Variants in SCAPER observed in about 807,000 individuals in gnomAD.
The protein encoded by SCAPER is S phase cyclin A-associated protein in the endoplasmic reticulum.
In SCAPER, 98 loss-of-function variants were observed where a neutral mutation model predicts 182.2. The observed-to-expected ratio is 0.54, with a 90% CI of 0.46 to 0.64. SCAPER has a LOEUF of 0.64. SCAPER is among the 30% of genes least tolerant of loss of function. The probability of loss-of-function intolerance (pLI) is 0.00; values close to 1 mark genes in which losing one functional copy is unlikely to be tolerated. For missense variants in SCAPER, 1,432 were observed against 1,690.0 expected (o/e 0.85, Z 2.68); for synonymous variants, 605 against 564.6 (o/e 1.07, Z -1.01).
At chr15:76,495,440 T>C (rs748141925) in intron 24 of SCAPER, among the ~76,000 whole-genome samples, 5 of 151,720 alleles carry the variant, frequency 3.3e-5, no homozygotes, top group Non-Finnish European at 7.4e-5. Flanking sequence ...TACCCGGGCA[T>C]GGTGGCATGT....
chr15:76,818,749 T>C (rs559492483), intron 5 of SCAPER, among the ~76,000 whole-genome samples: 16 of 152,324 alleles, frequency 1.1e-4, no homozygotes, highest in Admixed American at 2.0e-4. Context: ...TGCAGGACAG[T>C]GGGTGCAGCG....
chr15:76,595,423 A>C lies in SCAPER; in HGVS notation c.2712-21139T>G, dbSNP rs546221965. On this transcript the variant is annotated intron_variant, in intron 22 of 31. Coordinates refer to ENST00000563290, the MANE Select transcript of SCAPER (RefSeq NM_020843.4). ...AGATCAACGAGGCAGAAAATTAACA[A>C]GGATATTCAGGACTTGAACTTGGCT... is the stretch of plus-strand genomic sequence containing the variant. Among the ~76,000 whole-genome samples the C allele has an allele frequency of 2.0e-4, 25 of 122,024 alleles. 6 individuals carry two copies. In the South Asian group the frequency reaches 6.1e-3, roughly 30 times the overall value. 80.1% of individuals were successfully genotyped at this position (122,024 alleles called of 152,430 possible). A position where few individuals can be genotyped will look rare whatever the true frequency, so the allele number is the denominator to read the frequency against.
At chr15:76,642,986 T>C in intron 21 of SCAPER, among the ~76,000 whole-genome samples, 1 of 152,192 alleles carries the variant, frequency 6.6e-6, no homozygotes, top group South Asian at 2.1e-4. Flanking sequence ...TAAGCAGACA[T>C]TGAACAGGTT....
chr15:76,823,485 A>T (rs1433580736), intron 5 of SCAPER, among the ~76,000 whole-genome samples: 1 of 151,124 alleles, frequency 6.6e-6, no homozygotes, highest in Non-Finnish European at 1.5e-5. Flanking sequence ...TAAAATAAAT[A>T]AATTAAAATA....
intron 25 of SCAPER, among the ~76,000 whole-genome samples, chr15:76,470,624 T>C (rs532545448): frequency 1.3e-5 from 2 of 152,286 alleles, no homozygotes; most frequent in South Asian, 2.1e-4. Context: ...GCGACTGCAG[T>C]TGACATACTT....
At chr15:76,348,839 T>C (rs903921765) in intron 31 of SCAPER, 103 bp from the exon 32 acceptor site, 2 of 665,772 alleles carry the variant, frequency 3.0e-6, no homozygotes, top group Non-Finnish European at 5.1e-6. Context: ...AAAATGGAGA[T>C]ATCCACTTCA....
At chr15:76,502,452 C>T (rs184388617) in intron 24 of SCAPER, among the ~76,000 whole-genome samples, 12 of 152,186 alleles carry the variant, frequency 7.9e-5, no homozygotes, top group African/African-American at 2.9e-4. Context: ...AACCATCATT[C>T]TCAGCAAACT....
At chr15:76,375,271 C>CTT (rs113912795) in intron 29 of SCAPER, among the ~76,000 whole-genome samples, 5 of 131,664 alleles carry the variant, frequency 3.8e-5, no homozygotes, top group South Asian at 5.0e-4. Context: ...TCTATGAAAT[C>CTT]TTTTTTTTTT....
intron 4 of SCAPER, among the ~76,000 whole-genome samples, chr15:76,854,046 G>A (rs561163233): frequency 3.0e-4 from 46 of 152,196 alleles, no homozygotes; most frequent in East Asian, 1.2e-3. Context: ...CGAGGCAGGC[G>A]GATCACGAGG....
rs929688676 is a variant in SCAPER at position 76,801,668 on chromosome 15, C to T, written c.495-1304G>A. Among the ~76,000 whole-genome samples, 8 of 151,288 alleles carry T rather than the reference C, an allele frequency of 5.3e-5. 1 individual carries two copies. The East Asian group carries it at 1.6e-3, about 30-fold the overall frequency. Reference sequence around the variant, plus strand: ...GGCATGGTGGCCCATTCCTGTAATCCCAGCACTTTGGGAGGCCAAGGAGGG... The same window carrying T: ...GGCATGGTGGCCCATTCCTGTAATCTCAGCACTTTGGGAGGCCAAGGAGGG... On this transcript the variant is annotated intron_variant, in intron 6 of 31. Transcript: ENST00000563290.
chr15:76,696,228 C>T (rs1419909999), intron 20 of SCAPER, among the ~76,000 whole-genome samples: 2 of 152,184 alleles, frequency 1.3e-5, no homozygotes, highest in Non-Finnish European at 2.9e-5. Flanking sequence ...CGCACCCTGG[C>T]CAAGACAGTC....
chr15:76,716,773 GC>G (rs1330835036), intron 17 of SCAPER, among the ~76,000 whole-genome samples: 1 of 151,842 alleles, frequency 6.6e-6, no homozygotes, highest in Non-Finnish European at 1.5e-5. Flanking sequence ...AATGAAGAGA[GC>G]CTATGGGACA....
chr15:76,549,635 T>C (rs1018198127), intron 23 of SCAPER, among the ~76,000 whole-genome samples: 4 of 152,084 alleles, frequency 2.6e-5, no homozygotes, highest in African/African-American at 9.7e-5. Flanking sequence ...TTAGGAGATA[T>C]ACCTAATGTT....
Position 76,598,762 on chromosome 15 carries a change from G to T in SCAPER, c.2711+23002C>A, listed in dbSNP as rs1341482384. Among the ~76,000 whole-genome samples, 2 of 119,768 alleles carry T rather than the reference G, an allele frequency of 1.7e-5. 1 individual carries two copies. Among genetic ancestry groups the T allele is most frequent in the Non-Finnish European group, 4.0e-5 (2 of 49,460 alleles). 78.6% of individuals were successfully genotyped at this position (119,768 alleles called of 152,430 possible). A position where few individuals can be genotyped will look rare whatever the true frequency, so the allele number is the denominator to read the frequency against. ...TGGGAGGTGAACAATGAGAACACGTGGACACAGGGAAGGAAACATCACACA... is the reference window on the plus strand; with the variant it reads ...TGGGAGGTGAACAATGAGAACACGTTGACACAGGGAAGGAAACATCACACA... On this transcript the variant is annotated intron_variant, in intron 22 of 31. Transcript: ENST00000563290.
At chr15:76,896,526 C>T (rs186178876) in intron 1 of SCAPER, among the ~76,000 whole-genome samples, 3 of 152,196 alleles carry the variant, frequency 2.0e-5, no homozygotes, top group African/African-American at 7.2e-5. Context: ...AAAAAATTAA[C>T]ATTGTTAAAA....
intron 23 of SCAPER, among the ~76,000 whole-genome samples, chr15:76,507,444 C>T (rs186897260): frequency 5.3e-4 from 81 of 152,252 alleles, no homozygotes; most frequent in African/African-American, 1.9e-3. Flanking sequence ...CTAATACAAC[C>T]CCTCTATTAC....
chr15:76,660,865 T>C (rs1052650048), intron 21 of SCAPER, among the ~76,000 whole-genome samples: 3 of 152,090 alleles, frequency 2.0e-5, no homozygotes, highest in Non-Finnish European at 2.9e-5. Flanking sequence ...TATAAGTCAA[T>C]TTGGCAATGT....
intron 26 of SCAPER, among the ~76,000 whole-genome samples, chr15:76,421,483 G>A (rs2046036976): frequency 6.6e-6 from 1 of 151,996 alleles, no homozygotes; most frequent in Non-Finnish European, 1.5e-5. Context: ...TTTTTTTCTT[G>A]TAAATTTGTT....
At chr15:76,407,271 A>G (rs2142174625) in intron 26 of SCAPER, among the ~76,000 whole-genome samples, 1 of 152,342 alleles carries the variant, frequency 6.6e-6, no homozygotes, top group East Asian at 1.9e-4. Flanking sequence ...TGCAGGGAAC[A>G]ATGCAGGCAA....
Sources: gnomAD v4.1 joint callset for allele counts (sites outside exome capture counted in the v4.1 genomes callset) on GRCh38, gnomAD v4.1.1 for gene constraint, MANE v1.5 for transcripts, NCBI Gene and HGNC (gene_info 2026-07-23, HGNC 2026-07-21) for gene names.